Variants in MROH9 observed in about 807,000 individuals in gnomAD.
The protein encoded by MROH9 is maestro heat-like repeat-containing protein family member 9.
Under a neutral mutation model 98.2 loss-of-function variants are expected in MROH9, and 92 were observed. That is an observed-to-expected ratio of 0.94 (90% confidence interval 0.79 to 1.11). The LOEUF (loss-of-function observed/expected upper bound fraction) is 1.11, where lower values mean the gene tolerates loss of function less well. Ranked by LOEUF, MROH9 falls within the 50% of genes most tolerant of loss-of-function variation. MROH9 has a pLI of 0.00. For synonymous variants in MROH9, 397 were observed against 368.9 expected (o/e 1.08, Z -0.87); for missense variants, 1,057 against 1,014.8 (o/e 1.04, Z -0.57).
chr1:170,959,463 T>G lies in MROH9; in HGVS notation c.154T>G (p.Phe52Val), dbSNP rs368849976. 6 of 1,598,994 alleles carry G rather than the reference T, an allele frequency of 3.8e-6. No homozygotes were observed. Among genetic ancestry groups the G allele is most frequent in the Non-Finnish European group, 4.3e-6 (5 of 1,174,450 alleles). The change falls in exon 5 of 22, where the codon TTT becomes GTT. Residue 52 changes from phenylalanine to valine, a missense_variant and splice_region_variant. Phe to Val is a conservative substitution (Grantham distance 50, BLOSUM62 -1). Transcript: ENST00000367759. ...ATAATTGCTCCTTTTTCTTGTCAGC[T>G]TTGTGGATCCCTTACTGCAGTTTGA... ...ESMILAVNSS[F>V]VDPLLQFESQ...
chr1:170,998,382 C>T lies in MROH9; in HGVS notation c.1596+108C>T, dbSNP rs534887750. 48 of 1,610,482 alleles carry T rather than the reference C, an allele frequency of 3.0e-5. No individual in the cohort carries two copies. The South Asian group carries it at 4.7e-4, about 16-fold the overall frequency. ...CTCTCCCTCTGAATGTTGGTTCTTA[C>T]CAAGACTTAAGATCATGAAAGATAT... On this transcript the variant is annotated intron_variant, in intron 15 of 21. Coordinates refer to ENST00000367759, the MANE Select transcript of MROH9 (RefSeq NM_001163629.2).
chr1:170,944,117 A>G (rs1649229656), intron 1 of MROH9, among the ~76,000 whole-genome samples: 1 of 152,072 alleles, frequency 6.6e-6, no homozygotes, highest in South Asian at 2.1e-4. Context: ...ACAAATGCAT[A>G]AAGGTTTCAC....
intron 15 of MROH9, chr1:170,998,557 C>T (rs1053818506): frequency 7.2e-7 from 1 of 1,393,360 alleles, no homozygotes; most frequent in Non-Finnish European, 9.3e-7. Flanking sequence ...TTATATATTT[C>T]TGCATGATTG....
chr1:170,966,911 T>C (rs1471039269), intron 7 of MROH9, among the ~76,000 whole-genome samples: 3 of 152,170 alleles, frequency 2.0e-5, no homozygotes, highest in Non-Finnish European at 4.4e-5. Context: ...AAATGTGTTA[T>C]ATATTCAGCA....
intron 1 of MROH9, among the ~76,000 whole-genome samples, chr1:170,936,550 A>G (rs1407794846): frequency 1.3e-5 from 2 of 152,130 alleles, no homozygotes; most frequent in African/African-American, 4.8e-5. Flanking sequence ...CCCCAAAATA[A>G]TGTTTACCAG....
intron 21 of MROH9, among the ~76,000 whole-genome samples, chr1:171,063,173 G>A (rs1039324306): frequency 6.7e-6 from 1 of 148,976 alleles, no homozygotes; most frequent in Non-Finnish European, 1.5e-5. Context: ...TTCTTTTATC[G>A]AGAAATAAAA....
chr1:171,007,334 C>A (rs1355436924), intron 15 of MROH9, among the ~76,000 whole-genome samples: 1 of 152,180 alleles, frequency 6.6e-6, no homozygotes, highest in African/African-American at 2.4e-5. Context: ...GGGTCCACTA[C>A]AGAATCCAGA....
At chr1:171,009,367 C>A (rs1652069127) in intron 15 of MROH9, among the ~76,000 whole-genome samples, 1 of 152,032 alleles carries the variant, frequency 6.6e-6, no homozygotes, top group Non-Finnish European at 1.5e-5. Context: ...TAGATATATT[C>A]TAAGAATGAA....
intron 8 of MROH9, among the ~76,000 whole-genome samples, chr1:170,975,348 T>C (rs545861583): frequency 6.6e-6 from 1 of 152,266 alleles, no homozygotes; most frequent in East Asian, 1.9e-4. Context: ...AGATATATTT[T>C]AGAGATAAGA....
At chr1:171,013,753 A>G (rs1292915714) in intron 15 of MROH9, among the ~76,000 whole-genome samples, 2 of 152,022 alleles carry the variant, frequency 1.3e-5, no homozygotes, top group African/African-American at 4.8e-5. Context: ...AGTGGGTATC[A>G]CCTCTTAGCA....
At chr1:170,956,793 G>A (rs1041412400) in intron 3 of MROH9, among the ~76,000 whole-genome samples, 8 of 151,810 alleles carry the variant, frequency 5.3e-5, no homozygotes, top group African/African-American at 1.5e-4. Flanking sequence ...CGATCACATC[G>A]TCAGCAAACA....
At chr1:170,952,466 T>C (rs909654696) in intron 3 of MROH9, among the ~76,000 whole-genome samples, 1 of 151,998 alleles carries the variant, frequency 6.6e-6, no homozygotes, top group Non-Finnish European at 1.5e-5. Flanking sequence ...TGGATGAAGC[T>C]GGAAACCATC....
chr1:171,019,893 G>T (rs1323055640), intron 17 of MROH9, among the ~76,000 whole-genome samples: 5 of 151,998 alleles, frequency 3.3e-5, no homozygotes, highest in Non-Finnish European at 5.9e-5. Flanking sequence ...TAGAAAAAAA[G>T]AATGAATTAA....
At chr1:170,962,120 G>A (rs1445020128) in intron 6 of MROH9, 144 bp downstream of exon 6, 3 of 540,906 alleles carry the variant, frequency 5.5e-6, no homozygotes, top group South Asian at 2.6e-5. Context: ...AGAGTGAAAT[G>A]TAGTCACTTC....
intron 8 of MROH9, among the ~76,000 whole-genome samples, chr1:170,976,317 A>AGGAG (rs1187145808): frequency 4.6e-5 from 7 of 152,054 alleles, no homozygotes; most frequent in African/African-American, 1.7e-4. Flanking sequence ...TGCCCTTTTC[A>AGGAG]GGAGCTCTTA....
At chr1:170,939,416 G>A (rs1304356245) in intron 1 of MROH9, among the ~76,000 whole-genome samples, 1 of 152,200 alleles carries the variant, frequency 6.6e-6, no homozygotes, top group Non-Finnish European at 1.5e-5. Context: ...CCCAAAAGGG[G>A]GCTATAGGGA....
At chr1:170,952,755 A>G (rs970387095) in intron 3 of MROH9, among the ~76,000 whole-genome samples, 76 of 124,104 alleles carry the variant, frequency 6.1e-4, no homozygotes, top group African/African-American at 2.1e-3. Flanking sequence ...ATAATAAAAA[A>G]TATATATATA....
Position 170,936,282 on chromosome 1 carries a change from G to T in MROH9, c.-38+695G>T, listed in dbSNP as rs76314043. ...GGAGATCCAATGGTGCAGTTTGAAGGCCTGAGAGCAAGAGAGTTGATGATA... is the reference window on the plus strand; with the variant it reads ...GGAGATCCAATGGTGCAGTTTGAAGTCCTGAGAGCAAGAGAGTTGATGATA... On this transcript the variant is annotated intron_variant, in intron 1 of 21. Coordinates refer to ENST00000367759, the MANE Select transcript of MROH9 (RefSeq NM_001163629.2). Among the ~76,000 whole-genome samples, 372 of 152,234 alleles carry T rather than the reference G, an allele frequency of 2.4e-3. 5 individuals are homozygous for T. The highest frequency in any genetic ancestry group is 8.6e-3 in the African/African-American group (356 of 41,552).
At chr1:170,948,980 G>A (rs995053162) in intron 3 of MROH9, among the ~76,000 whole-genome samples, 2 of 152,114 alleles carry the variant, frequency 1.3e-5, no homozygotes, top group Non-Finnish European at 2.9e-5. Flanking sequence ...ATTAGTAGTA[G>A]AGGCAAAGTG....
Sources: allele counts gnomAD v4.1 joint callset (sites outside exome capture counted in the v4.1 genomes callset), GRCh38; gene constraint gnomAD v4.1.1; transcripts MANE v1.5; gene names NCBI Gene and HGNC (gene_info 2026-07-23, HGNC 2026-07-21).